The following TRIM5 variants were observed in gnomAD, a reference collection of about 807,000 sequenced individuals.
The protein encoded by TRIM5 is tripartite motif-containing protein 5.
Under a neutral mutation model 35.6 loss-of-function variants are expected in TRIM5, and 31 were observed. The observed-to-expected ratio is 0.87, with a 90% CI of 0.65 to 1.18. The LOEUF (loss-of-function observed/expected upper bound fraction) is 1.18. TRIM5 is among the 50% of genes most tolerant of loss of function. The pLI, the probability that TRIM5 is intolerant of heterozygous loss-of-function variation, is 0.00. For synonymous variants in TRIM5, 243 were observed against 215.6 expected (o/e 1.13, Z -1.11); for missense variants, 609 against 591.6 (o/e 1.03, Z -0.31).
intron 1 of TRIM5, among the ~76,000 whole-genome samples, 156 bp from the exon 2 acceptor site, chr11:5,680,394 G>C (rs1852343591): frequency 6.6e-6 from 1 of 152,134 alleles, no homozygotes; most frequent in Non-Finnish European, 1.5e-5. Context: ...TGGTAATAAG[G>C]GCTTTTCATA....
the TRIM5 span, chr11:5,641,327 G>T: frequency 1.2e-5 from 19 of 1,536,334 alleles, no homozygotes; most frequent in Non-Finnish European, 1.7e-5. Flanking sequence ...TTAAATTGCT[G>T]GTCCCCGATG....
At chr11:5,673,235 T>A (rs551698044) in intron 4 of TRIM5, among the ~76,000 whole-genome samples, 3 of 152,154 alleles carry the variant, frequency 2.0e-5, no homozygotes, top group East Asian at 3.9e-4. Flanking sequence ...AATAAAAATA[T>A]ATATACTATG....
At chr11:5,669,510 AT>A (rs542634203) in intron 4 of TRIM5, among the ~76,000 whole-genome samples, 1 of 150,790 alleles carries the variant, frequency 6.6e-6, no homozygotes, top group Non-Finnish European at 1.5e-5. Context: ...TTCCACATAG[AT>A]TTTTTTTCAA....
the TRIM5 span, chr11:5,624,979 T>C: frequency 1.3e-5 from 2 of 152,330 alleles, no homozygotes; most frequent in East Asian, 3.9e-4. Flanking sequence ...GGAACCTCAT[T>C]TGTTGAATGA....
At position 5,680,242 on chromosome 11, in the gene TRIM5, C is replaced by T; in HGVS notation, c.-61-4G>A. 1 of 1,471,120 alleles carries T rather than the reference C, an allele frequency of 6.8e-7. No individual in the cohort carries two copies. The highest frequency in any genetic ancestry group is 9.1e-7 in the Non-Finnish European group (1 of 1,100,140). The allele number at this position is 1,471,120 out of a possible 1,614,324, so 91.1% of individuals were successfully genotyped here. ...GGTTCCTCTTGTTCACAGATCCCTG[C>T]ATGATTGGGAAGGTTAAAATGGGAC... is the stretch of plus-strand genomic sequence containing the variant. On this transcript the variant is annotated splice_polypyrimidine_tract_variant and splice_region_variant and intron_variant, in intron 1 of 7. Transcript: ENST00000380034.
chr11:5,660,644 G>A (rs1009473987), downstream of TRIM5, among the ~76,000 whole-genome samples: 65 of 151,920 alleles, frequency 4.3e-4, no homozygotes, highest in Admixed American at 3.5e-3. Context: ...CTACCAAACT[G>A]CCGGATTTTT....
At chr11:5,605,523 G>C in the TRIM5 span, 2 of 1,614,118 alleles carry the variant, frequency 1.2e-6, no homozygotes, top group Non-Finnish European at 8.5e-7. Flanking sequence ...GCTCATCTCG[G>C]ATCTGGAGCG....
chr11:5,682,681 A>G (rs190980751), intron 1 of TRIM5, among the ~76,000 whole-genome samples: 278 of 152,296 alleles, frequency 1.8e-3, no homozygotes, highest in African/African-American at 6.6e-3. Flanking sequence ...GATCATTAAC[A>G]TATCACTAGA....
At chr11:5,610,761 G>A in the TRIM5 span, 1 of 1,612,698 alleles carries the variant, frequency 6.2e-7, no homozygotes, top group Non-Finnish European at 8.5e-7. Context: ...TGCTGATGTT[G>A]TACCTTTTCC....
rs759560671 is a variant in TRIM5 at position 5,666,019 on chromosome 11, C to T, written c.830G>A (p.Arg277Gln). Residue 277 changes from arginine (R) to glutamine (Q), a missense_variant, in exon 6 of 8, where the codon CGA becomes CAA. Physicochemically the swap from Arg to Gln is conservative, Grantham distance 43 (BLOSUM62 1). Coordinates refer to ENST00000380034, the MANE Select transcript of TRIM5 (RefSeq NM_033034.3). ...TAGCATTCCTTTCAGATCAGGAGCT[C>T]GAAACACTCTCCTTTGATTTTTTGG... Reference protein sequence around the residue: ...TFPKNQRRVFRAPDLKGMLEV... With the variant: ...TFPKNQRRVFQAPDLKGMLEV... 2.5e-5 allele frequency: 40 copies of T among 1,613,354 alleles called. No homozygotes were observed. The highest frequency in any genetic ancestry group is 1.9e-4 in the South Asian group (17 of 91,032).
At chr11:5,593,877 T>C in the TRIM5 span, among the ~76,000 whole-genome samples, 2 of 152,174 alleles carry the variant, frequency 1.3e-5, no homozygotes, top group Non-Finnish European at 2.9e-5. Context: ...ACTGGATGCA[T>C]CATATTACCC....
At chr11:5,672,222 C>CT (rs1291406425) in intron 4 of TRIM5, among the ~76,000 whole-genome samples, 1 of 151,788 alleles carries the variant, frequency 6.6e-6, no homozygotes, top group Admixed American at 6.6e-5. Context: ...TTTTTTCTTT[C>CT]TTTTTTTGAG....
At chr11:5,604,870 C>A in the TRIM5 span, 1 of 475,648 alleles carries the variant, frequency 2.1e-6, no homozygotes, top group Non-Finnish European at 3.7e-6. Flanking sequence ...TAGGGGTCGC[C>A]CCAATTCATA....
At chr11:5,606,776 A>G in the TRIM5 span, among the ~76,000 whole-genome samples, 2 of 152,186 alleles carry the variant, frequency 1.3e-5, no homozygotes, top group African/African-American at 2.4e-5. Flanking sequence ...ACACTTCCAC[A>G]TTCATTAGTA....
chr11:5,625,520 G>A, the TRIM5 span, among the ~76,000 whole-genome samples: 17 of 152,280 alleles, frequency 1.1e-4, no homozygotes, highest in Non-Finnish European at 2.4e-4. Flanking sequence ...AGTATGTGGC[G>A]TCAGATAGAA....
At chr11:5,656,404 A>G in the TRIM5 span, among the ~76,000 whole-genome samples, 3 of 150,420 alleles carry the variant, frequency 2.0e-5, no homozygotes, top group East Asian at 5.8e-4. Flanking sequence ...CCCACACCAG[A>G]GTGCAGTGGT....
chr11:5,654,762 C>G, the TRIM5 span, among the ~76,000 whole-genome samples: 1 of 151,988 alleles, frequency 6.6e-6, no homozygotes, highest in Non-Finnish European at 1.5e-5. Context: ...AGATAAACTA[C>G]AGGAATAAAA....
the TRIM5 span, among the ~76,000 whole-genome samples, chr11:5,653,104 G>A: frequency 3.9e-5 from 6 of 151,990 alleles, no homozygotes; most frequent in African/African-American, 9.7e-5. Context: ...TGCCCGCCTC[G>A]GCCTCCCAAA....
intron 5 of TRIM5, among the ~76,000 whole-genome samples, 175 bp downstream of exon 5, chr11:5,667,488 CACACCTGGCCAAATCTGGTCTATTCT>C (rs1278321563): frequency 6.6e-6 from 1 of 152,160 alleles, no homozygotes; most frequent in Non-Finnish European, 1.5e-5. Context: ...CTTGAGCCAC[CACACCTGGCCAAATCTGGTCTATTCT>C]TAATAGTTAT....
Sources: allele counts gnomAD v4.1 joint callset (sites outside exome capture counted in the v4.1 genomes callset), GRCh38; gene constraint gnomAD v4.1.1; transcripts MANE v1.5; gene names NCBI Gene and HGNC (gene_info 2026-07-23, HGNC 2026-07-21).